The following KLHL3 variants were observed in gnomAD, a reference collection of about 807,000 sequenced individuals.
KLHL3 encodes kelch-like protein 3.
A neutral mutation model predicts 70.5 loss-of-function variants in KLHL3; 19 were observed. The observed-to-expected ratio is 0.27, with a 90% CI of 0.19 to 0.40. The LOEUF (loss-of-function observed/expected upper bound fraction) is 0.40, where lower values mean the gene tolerates loss of function less well. KLHL3 is among the 10% of genes least tolerant of loss of function. The pLI, the probability that KLHL3 is intolerant of heterozygous loss-of-function variation, is 1.00. For synonymous variants in KLHL3, 258 were observed against 290.3 expected (o/e 0.89, Z 1.13); for missense variants, 512 against 771.1 (o/e 0.66, Z 3.98).
At chr5:137,673,201 C>T (rs149953013) in intron 6 of KLHL3, among the ~76,000 whole-genome samples, 1 of 152,240 alleles carries the variant, frequency 6.6e-6, no homozygotes, top group East Asian at 1.9e-4. Context: ...ATGAAGGTTG[C>T]CAGGTGAAGG....
At chr5:137,631,069 C>CA (rs70979549) in intron 12 of KLHL3, among the ~76,000 whole-genome samples, 17,973 of 105,560 alleles carry the variant, frequency 0.17, 1,443 homozygotes, top group Non-Finnish European at 0.21. Flanking sequence ...TCCAAAAATA[C>CA]AAAAAAAAAA....
chr5:137,632,709 CAACA>C (rs757611535), intron 12 of KLHL3, among the ~76,000 whole-genome samples: 6 of 152,240 alleles, frequency 3.9e-5, no homozygotes, highest in Non-Finnish European at 4.4e-5. Flanking sequence ...AAGAAATAAT[CAACA>C]AACAGTCAAC....
rs35864411 is a variant in KLHL3, at chr5:137,690,326, C to CA, written c.526+1958dup. 1.5e-3 allele frequency among the ~76,000 whole-genome samples: 218 copies of CA among 140,758 alleles called. 1 individual carries two copies. The highest frequency in any genetic ancestry group is 3.8e-3 in the Admixed American group (54 of 14,288). 92.3% of individuals were successfully genotyped at this position (140,758 alleles called of 152,430 possible). On this transcript the variant is annotated intron_variant, in intron 5 of 14. Transcript: ENST00000309755. ...CAGGCGACAGAGCGAGACTCCATCT[C>CA]AAAAAAAAAAAAAAAAATCTGCAGA...
intron 4 of KLHL3, among the ~76,000 whole-genome samples, chr5:137,696,493 AG>A (rs1404080888): frequency 6.6e-6 from 1 of 152,244 alleles, no homozygotes; most frequent in African/African-American, 2.4e-5. Flanking sequence ...GAGGACAATA[AG>A]GTTTGTTATG....
Position 137,683,452 on chromosome 5 carries a change from C to A in KLHL3, c.527-5798G>T, listed in dbSNP as rs868091529. Among the ~76,000 whole-genome samples the A allele has an allele frequency of 4.9e-4, 75 of 152,266 alleles. No homozygotes were observed. The Middle Eastern group carries it at 0.014, about 28-fold the overall frequency. On this transcript the variant is annotated intron_variant, in intron 5 of 14. Transcript: ENST00000309755. ...ACAAAACCACAGAACTGCCTTAAAACTCTCTCTTCTGCCCCTTATTACTCT... is the reference window on the plus strand; with the variant it reads ...ACAAAACCACAGAACTGCCTTAAAAATCTCTCTTCTGCCCCTTATTACTCT...
chr5:137,677,769 T>C (rs1346267235), intron 5 of KLHL3, 115 bp from the exon 6 acceptor site: 1 of 565,618 alleles, frequency 1.8e-6, no homozygotes, highest in Non-Finnish European at 3.0e-6. Context: ...AGGGGGACCA[T>C]GGAGGGAAAG....
intron 1 of KLHL3, among the ~76,000 whole-genome samples, chr5:137,732,407 G>A (rs1753193156): frequency 6.6e-6 from 1 of 151,056 alleles, no homozygotes; most frequent in Admixed American, 6.6e-5. Context: ...ATTTTGGCCT[G>A]AACAAACATG....
chr5:137,655,694 A>G (rs1213585047), intron 8 of KLHL3, among the ~76,000 whole-genome samples: 2 of 152,320 alleles, frequency 1.3e-5, no homozygotes, highest in South Asian at 2.1e-4. Flanking sequence ...TTTAGAAACT[A>G]CAAATAAGGC....
At chr5:137,643,385 A>G (rs1246447409) in intron 8 of KLHL3, among the ~76,000 whole-genome samples, 2 of 151,970 alleles carry the variant, frequency 1.3e-5, no homozygotes, top group African/African-American at 4.8e-5. Context: ...AATACAAGAT[A>G]AGGTTTTCAA....
chr5:137,704,589 G>T (rs1298331342), intron 3 of KLHL3, among the ~76,000 whole-genome samples: 1 of 152,120 alleles, frequency 6.6e-6, no homozygotes, highest in Non-Finnish European at 1.5e-5. Context: ...CTCCAATGGT[G>T]GTCTCAATTT....
chr5:137,647,433 G>A (rs1751078757), intron 8 of KLHL3: 8 of 313,550 alleles, frequency 2.6e-5, no homozygotes, highest in South Asian at 1.9e-4. Flanking sequence ...CCTAGCCCTG[G>A]CCTCAGGACT....
chr5:137,637,167 T>C (rs1225016266), intron 11 of KLHL3, 127 bp downstream of exon 11: 3 of 680,790 alleles, frequency 4.4e-6, no homozygotes, highest in East Asian at 2.8e-5. Context: ...AGGATAATAG[T>C]ACCTAACCCA....
intron 14 of KLHL3, among the ~76,000 whole-genome samples, chr5:137,624,506 G>A (rs927671217): frequency 1.3e-4 from 20 of 152,100 alleles, no homozygotes; most frequent in African/African-American, 4.8e-4. Context: ...TCTAAAGGAA[G>A]AAAAAAGTTA....
At chr5:137,719,667 ATTCACAT>A (rs1401245887) in intron 2 of KLHL3, among the ~76,000 whole-genome samples, 1 of 152,242 alleles carries the variant, frequency 6.6e-6, no homozygotes, top group African/African-American at 2.4e-5. Flanking sequence ...GGATGAGTAT[ATTCACAT>A]TTCATTTCTC....
At chr5:137,687,051 C>A (rs1303504323) in intron 5 of KLHL3, among the ~76,000 whole-genome samples, 15 of 105,122 alleles carry the variant, frequency 1.4e-4, no homozygotes, top group African/African-American at 3.5e-4. Context: ...CGGCCAGCCG[C>A]CCCGTCCGGG....
At chr5:137,649,997 T>A (rs577990918) in intron 8 of KLHL3, among the ~76,000 whole-genome samples, 1 of 152,154 alleles carries the variant, frequency 6.6e-6, no homozygotes, top group African/African-American at 2.4e-5. Context: ...AGAGTTGTAA[T>A]AAAGACAAAA....
intron 11 of KLHL3, among the ~76,000 whole-genome samples, chr5:137,636,618 T>G (rs1424030445): frequency 6.6e-6 from 1 of 152,326 alleles, no homozygotes; most frequent in East Asian, 1.9e-4. Context: ...TTACTGTCAT[T>G]GGAATGTGGG....
intron 6 of KLHL3, chr5:137,673,869 C>T (rs1250496486): frequency 6.6e-6 from 1 of 152,228 alleles, no homozygotes; most frequent in East Asian, 1.9e-4. Context: ...GGGAGGGGCC[C>T]AGGCAGGGCT....
chr5:137,663,494 T>C (rs1165496377), intron 6 of KLHL3, among the ~76,000 whole-genome samples: 3 of 151,312 alleles, frequency 2.0e-5, no homozygotes, highest in South Asian at 2.1e-4. Flanking sequence ...CCATATACTT[T>C]AAATACTTTA....
Sources: gnomAD v4.1 joint callset for allele counts (sites outside exome capture counted in the v4.1 genomes callset) on GRCh38, gnomAD v4.1.1 for gene constraint, MANE v1.5 for transcripts, NCBI Gene and HGNC (gene_info 2026-07-23, HGNC 2026-07-21) for gene names.